The following RCOR1 variants were observed in gnomAD, a reference collection of about 807,000 sequenced individuals.
RCOR1 encodes the protein REST corepressor 1.
A neutral mutation model predicts 64.0 loss-of-function variants in RCOR1; 12 were observed. The observed-to-expected ratio is 0.19, with a 90% CI of 0.12 to 0.30. The LOEUF is 0.30. Ranked by LOEUF, RCOR1 falls within the 10% of genes least tolerant of loss-of-function variation. The pLI is 1.00. For synonymous variants in RCOR1, 279 were observed against 227.2 expected (o/e 1.23, Z -2.05); for missense variants, 502 against 621.2 (o/e 0.81, Z 2.04).
chr14:102,612,024 T>G (rs1893643949), intron 2 of RCOR1, among the ~76,000 whole-genome samples: 1 of 152,144 alleles, frequency 6.6e-6, no homozygotes. Flanking sequence ...AGGCTGGCCT[T>G]GAAGACTCCA....
intron 2 of RCOR1, among the ~76,000 whole-genome samples, chr14:102,621,656 G>A (rs1236351165): frequency 6.6e-6 from 1 of 152,096 alleles, no homozygotes; most frequent in Non-Finnish European, 1.5e-5. Context: ...CAAGGGTAGG[G>A]CTCTTTGTGT....
At chr14:102,642,773 C>T (rs530589420) in intron 2 of RCOR1, among the ~76,000 whole-genome samples, 10 of 152,248 alleles carry the variant, frequency 6.6e-5, no homozygotes, top group Admixed American at 1.3e-4. Context: ...GAAGTCGAGG[C>T]TGTGGTGAGC....
chr14:102,657,449 A>G (rs1894749912), intron 2 of RCOR1: 11 of 984,870 alleles, frequency 1.1e-5, no homozygotes, highest in Non-Finnish European at 1.3e-5. Context: ...CTAATATAAC[A>G]CAGAAGTCTT....
chr14:102,718,125 C>G (rs1243907197), intron 8 of RCOR1, among the ~76,000 whole-genome samples: 1 of 152,164 alleles, frequency 6.6e-6, no homozygotes, highest in African/African-American at 2.4e-5. Flanking sequence ...GGTGTTAGTT[C>G]ATGTGTTCAG....
rs114785067 is a variant in RCOR1, at chr14:102,729,629, A to G, written c.*3123A>G. 6,775 of 385,672 alleles carry G rather than the reference A, an allele frequency of 0.018. 101 individuals are homozygous for G. Among genetic ancestry groups the G allele is most frequent in the African/African-American group, 0.029 (1,417 of 48,576 alleles). 23.9% of individuals were successfully genotyped at this position (385,672 alleles called of 1,614,324 possible). A position where few individuals can be genotyped will look rare whatever the true frequency, so the allele number is the denominator to read the frequency against. ...CAGCTTACTGGGGTGGACTCATAAA[A>G]CAGTGGCTTTCTGTTCATCTAAAGT... On this transcript the variant is annotated 3_prime_UTR_variant, in exon 12 of 12. Transcript: ENST00000262241.
intron 11 of RCOR1, 34 bp from the exon 12 acceptor site, chr14:102,726,434 A>G: frequency 2.0e-6 from 3 of 1,464,744 alleles, no homozygotes; most frequent in Non-Finnish European, 2.8e-6. Context: ...CTACTCTTTG[A>G]TCCTTTTTTT....
chr14:102,625,313 G>A (rs777096701), intron 2 of RCOR1, among the ~76,000 whole-genome samples: 1 of 133,314 alleles, frequency 7.5e-6, no homozygotes, highest in Non-Finnish European at 1.5e-5. Flanking sequence ...TTGGCTCGCC[G>A]CAACCTCCAC....
At position 102,676,411 on chromosome 14, in the gene RCOR1, C is replaced by T. The variant is rs1426913933; in HGVS notation, c.362-5484C>T. On this transcript the variant is annotated intron_variant, in intron 2 of 11. Coordinates refer to ENST00000262241, the MANE Select transcript of RCOR1 (RefSeq NM_015156.4). ...GGGGCTCCTCACTTCCCAGTAGGGG[C>T]GGCCAGGCAGAGGCGCCCCTCACCT... Among the ~76,000 whole-genome samples, 8 of 127,508 alleles carry T rather than the reference C, an allele frequency of 6.3e-5. 1 individual carries two copies. Among genetic ancestry groups the T allele is most frequent in the Admixed American group, 5.2e-4 (7 of 13,478 alleles). 83.7% of individuals were successfully genotyped at this position (127,508 alleles called of 152,430 possible).
Position 102,593,170 on chromosome 14 carries a change from C to A in RCOR1, c.284C>A (p.Ser95Tyr). ...TGGGAGGAAGGCAGCTCGGGCTCGT[C>A]CAGCGACGAGGAGCACGGTAGGTGG... ...NSWEEGSSGS[S>Y]SDEEHGGGGM... is the part of the protein sequence containing the mutation. Residue 95 changes from serine to tyrosine, a missense_variant, in exon 1 of 12, where the codon TCC (serine) becomes TAC (tyrosine). By Grantham distance (144) the Ser-to-Tyr change is moderately radical. Transcript: ENST00000262241. 6.6e-7 allele frequency: 1 copy of A among 1,520,626 alleles called. No individual in the cohort carries two copies. The highest frequency in any genetic ancestry group is 2.3e-5 in the Admixed American group (1 of 44,258). 94.2% of individuals were successfully genotyped at this position (1,520,626 alleles called of 1,614,324 possible).
chr14:102,716,007 C>T (rs1044825113), intron 8 of RCOR1, among the ~76,000 whole-genome samples: 19 of 152,306 alleles, frequency 1.2e-4, no homozygotes, highest in Non-Finnish European at 2.5e-4. Flanking sequence ...CAGATTACCT[C>T]ACAGGGGCAA....
chr14:102,614,912 A>G (rs572404233), intron 2 of RCOR1, among the ~76,000 whole-genome samples: 33 of 151,738 alleles, frequency 2.2e-4, no homozygotes, highest in Admixed American at 7.2e-4. Flanking sequence ...GCTCACTGCA[A>G]GCTCCACCTC....
intron 2 of RCOR1, among the ~76,000 whole-genome samples, chr14:102,641,084 T>G (rs1211251495): frequency 1.3e-5 from 2 of 151,854 alleles, no homozygotes; most frequent in African/African-American, 4.8e-5. Flanking sequence ...AAACCCCATC[T>G]CTACTAAAAA....
chr14:102,673,522 A>G (rs1312639712), intron 2 of RCOR1, among the ~76,000 whole-genome samples: 1 of 151,370 alleles, frequency 6.6e-6, no homozygotes, highest in Non-Finnish European at 1.5e-5. Flanking sequence ...TTTTTAGTAG[A>G]GACGGGGTTT....
At chr14:102,676,703 G>A (rs1483780472) in intron 2 of RCOR1, among the ~76,000 whole-genome samples, 2 of 113,152 alleles carry the variant, frequency 1.8e-5, no homozygotes, top group African/African-American at 3.6e-5. Flanking sequence ...CCTCCCTCCC[G>A]GACTGGGCGG....
intron 3 of RCOR1, among the ~76,000 whole-genome samples, chr14:102,686,247 T>C (rs1395632935): frequency 6.6e-6 from 1 of 152,198 alleles, no homozygotes; most frequent in African/African-American, 2.4e-5. Flanking sequence ...TGCCCCTTAA[T>C]ACATTTCTTA....
chr14:102,608,698 G>A (rs1405222747), intron 2 of RCOR1, among the ~76,000 whole-genome samples: 1 of 151,908 alleles, frequency 6.6e-6, no homozygotes, highest in Non-Finnish European at 1.5e-5. Flanking sequence ...GCCTCCCAAA[G>A]TGCTGGGGTT....
Position 102,593,129 on chromosome 14 carries a change from C to T in RCOR1, c.243C>T (p.Asn81=), listed in dbSNP as rs1291133027. ...TGGCGGCGGCGGCGCCCAATGGCAA[C>T]AGCAGCAGCAACTCCTGGGAGGAAG... ...KSLAAAAPNG[N]SSSNSWEEGS... is the part of the protein sequence containing the mutation. Residue 81 remains asparagine, a synonymous_variant, in exon 1 of 12, where the codon AAC becomes AAT. Transcript: ENST00000262241. The T allele has an allele frequency of 2.0e-6, 3 of 1,522,886 alleles. No homozygotes were observed. The highest frequency in any genetic ancestry group is 2.8e-5 in the East Asian group (1 of 36,018). 94.3% of individuals were successfully genotyped at this position (1,522,886 alleles called of 1,614,324 possible).
At chr14:102,622,128 A>G (rs953474523) in intron 2 of RCOR1, among the ~76,000 whole-genome samples, 4 of 152,336 alleles carry the variant, frequency 2.6e-5, no homozygotes, top group Admixed American at 2.6e-4. Flanking sequence ...GGACTTGGGC[A>G]GGTAGAAACT....
intron 2 of RCOR1, among the ~76,000 whole-genome samples, chr14:102,661,152 G>T (rs1894816980): frequency 6.6e-6 from 1 of 152,122 alleles, no homozygotes; most frequent in African/African-American, 2.4e-5. Context: ...TTCGAGACCA[G>T]CCTGGGCAGC....
Sources: allele counts gnomAD v4.1 joint callset (sites outside exome capture counted in the v4.1 genomes callset), GRCh38; gene constraint gnomAD v4.1.1; transcripts MANE v1.5; gene names NCBI Gene and HGNC (gene_info 2026-07-23, HGNC 2026-07-21).